The following LRRK2 variants were observed in gnomAD, a reference collection of about 807,000 sequenced individuals.
LRRK2 encodes the protein leucine-rich repeat serine/threonine-protein kinase 2.
Under a neutral mutation model 302.6 loss-of-function variants are expected in LRRK2, and 203 were observed. The ratio of observed to expected loss-of-function variants is 0.67; its 90% CI spans 0.60 to 0.75. The LOEUF is 0.75. Among genes scored for constraint, LRRK2 ranks in the 30% least tolerant of loss-of-function variants. The probability of loss-of-function intolerance (pLI) is 0.00; values close to 1 mark genes in which losing one functional copy is unlikely to be tolerated. For missense variants in LRRK2, 2,830 were observed against 2,951.0 expected (o/e 0.96, Z 0.95); for synonymous variants, 1,066 against 1,031.9 (o/e 1.03, Z -0.63).
At chr12:40,333,067 G>T (rs909666112) in intron 39 of LRRK2, among the ~76,000 whole-genome samples, 2 of 151,752 alleles carry the variant, frequency 1.3e-5, no homozygotes, top group Non-Finnish European at 2.9e-5. Flanking sequence ...GTACTATTAC[G>T]CTGTTTTTTC....
In LRRK2 at chr12:40,368,789, G is replaced by A. The variant is rs942149460; in HGVS notation, c.*1024G>A. On this transcript the variant is annotated 3_prime_UTR_variant, in exon 51 of 51. Coordinates refer to ENST00000298910, the MANE Select transcript of LRRK2 (RefSeq NM_198578.4). Reference sequence around the variant, plus strand: ...GTTGCTGAAGGAGAAAGGAGCTTTAGTTATGATGGATAAAAATATCTGCCA... The same window carrying A: ...GTTGCTGAAGGAGAAAGGAGCTTTAATTATGATGGATAAAAATATCTGCCA... 6.6e-6 allele frequency: 1 copy of A among 151,142 alleles called. No individual in the cohort carries two copies. The highest frequency in any genetic ancestry group is 2.4e-5 in the African/African-American group (1 of 41,162). The allele number at this position is 151,142 out of a possible 1,614,324, so 9.4% of individuals were successfully genotyped here. A position where few individuals can be genotyped will look rare whatever the true frequency, so the allele number is the denominator to read the frequency against.
chr12:40,280,971 G>A (rs1943668338), intron 18 of LRRK2, among the ~76,000 whole-genome samples: 1 of 151,820 alleles, frequency 6.6e-6, no homozygotes, highest in African/African-American at 2.4e-5. Flanking sequence ...GGGAGGCTGA[G>A]GCAGGAGAAT....
intron 49 of LRRK2, chr12:40,365,351 T>G (rs1445843212): frequency 1.8e-5 from 5 of 273,526 alleles, no homozygotes; most frequent in African/African-American, 4.5e-5. Flanking sequence ...TTGAATATAT[T>G]TTACTTTTTG....
chr12:40,239,372 A>G (rs899850891), intron 5 of LRRK2, among the ~76,000 whole-genome samples: 2 of 152,090 alleles, frequency 1.3e-5, no homozygotes, highest in African/African-American at 4.8e-5. Flanking sequence ...GCTTTCGATG[A>G]CAATTAGGAT....
At chr12:40,250,990 C>T (rs1184185687) in intron 8 of LRRK2, among the ~76,000 whole-genome samples, 1 of 148,784 alleles carries the variant, frequency 6.7e-6, no homozygotes, top group Non-Finnish European at 1.5e-5. Flanking sequence ...TAATCCTCCT[C>T]TCGTCTATTA....
Position 40,259,016 on chromosome 12 carries a change from T to C in LRRK2, c.1419-464T>C, listed in dbSNP as rs73276887. Among the ~76,000 whole-genome samples the C allele has an allele frequency of 7.9e-3, 1,196 of 152,254 alleles. 21 individuals are homozygous for C. The highest frequency in any genetic ancestry group is 0.027 in the African/African-American group (1,101 of 41,532). ...AAATTAAAAATAATTAAAAATACCT[T>C]ATAAGAAGTCCAGTGATGTTAATCT... On this transcript the variant is annotated intron_variant, in intron 12 of 50. Transcript: ENST00000298910.
At chr12:40,315,190 G>A (rs1945175346) in intron 32 of LRRK2, 22 bp from the exon 33 acceptor site, 1 of 1,581,076 alleles carries the variant, frequency 6.3e-7, no homozygotes. Context: ...ATGTTTCACT[G>A]TTTGATGACT....
chr12:40,338,297 T>C (rs1389145577), intron 40 of LRRK2, among the ~76,000 whole-genome samples: 2 of 152,306 alleles, frequency 1.3e-5, no homozygotes, highest in African/African-American at 4.8e-5. Context: ...CTTTGTATAC[T>C]AAATGACTGG....
intron 24 of LRRK2, among the ~76,000 whole-genome samples, chr12:40,298,838 AT>A (rs1491226697): frequency 1.4e-3 from 143 of 102,162 alleles, no homozygotes; most frequent in East Asian, 2.3e-3. Flanking sequence ...TATTATATAT[AT>A]TTATTATATA....
intron 43 of LRRK2, 123 bp from the exon 44 acceptor site, chr12:40,351,416 G>A: frequency 1.3e-6 from 1 of 791,162 alleles, no homozygotes; most frequent in Non-Finnish European, 2.1e-6. Flanking sequence ...ATCTAGTTGG[G>A]TTCCAGTTTA....
chr12:40,226,464 A>G (rs776870342), intron 2 of LRRK2, among the ~76,000 whole-genome samples: 1 of 152,200 alleles, frequency 6.6e-6, no homozygotes, highest in African/African-American at 2.4e-5. Context: ...GCAGTCAGAA[A>G]GCCAATGTTT....
chr12:40,296,631 C>CA (rs879609387), intron 23 of LRRK2, among the ~76,000 whole-genome samples: 134 of 133,152 alleles, frequency 1.0e-3, no homozygotes, highest in African/African-American at 1.6e-3. Flanking sequence ...GACCCTGTCT[C>CA]AAAAAAAAAA....
chr12:40,227,222 A>G lies in LRRK2; in HGVS notation c.237+1582A>G, dbSNP rs946375151. On this transcript the variant is annotated intron_variant, in intron 2 of 50. Coordinates refer to ENST00000298910, the MANE Select transcript of LRRK2 (RefSeq NM_198578.4). ...AGTTGTATATATTTTGGGGATACAT[A>G]TGCTATTTGATACATGTATACAATG... Among the ~76,000 whole-genome samples the G allele has an allele frequency of 4.6e-5, 7 of 152,134 alleles. No homozygotes were observed. The East Asian group carries it at 9.6e-4, about 21-fold the overall frequency.
At position 40,285,470 on chromosome 12, in the gene LRRK2, T is replaced by C. The variant is rs182848573; in HGVS notation, c.2500+1337T>C. 1.6e-3 allele frequency among the ~76,000 whole-genome samples: 246 copies of C among 152,134 alleles called. 1 individual carries two copies. Among genetic ancestry groups the C allele is most frequent in the African/African-American group, 5.7e-3 (237 of 41,540 alleles). On this transcript the variant is annotated intron_variant, in intron 19 of 50. Transcript: ENST00000298910. Reference sequence around the variant, plus strand: ...TTGATAAGCATGTGTGGAAACATGCTTCATATATTGATATGAATTTAAATT... The same window carrying C: ...TTGATAAGCATGTGTGGAAACATGCCTCATATATTGATATGAATTTAAATT...
In LRRK2 at chr12:40,351,667, C is replaced by A. The variant is rs34869625; in HGVS notation, c.6510C>A (p.Gly2170=). ...HNSRNASIWL[G]CGHTDRGQLS... Reference sequence around the variant, plus strand: ...GCAGGAATGCAAGCATTTGGCTGGGCTGTGGGCACACCGACAGAGGACAGC... The same window carrying A: ...GCAGGAATGCAAGCATTTGGCTGGGATGTGGGCACACCGACAGAGGACAGC... Residue 2170 remains glycine (G), a synonymous_variant, in exon 44 of 51, where the codon GGC becomes GGA. Transcript: ENST00000298910. 1,800 of 1,614,062 alleles carry A rather than the reference C, an allele frequency of 1.1e-3. 4 individuals carry two copies. The highest frequency in any genetic ancestry group is 1.2e-3 in the Non-Finnish European group (1,401 of 1,180,040).
At chr12:40,326,074 T>G (rs988168442) in intron 38 of LRRK2, among the ~76,000 whole-genome samples, 8 of 152,202 alleles carry the variant, frequency 5.3e-5, no homozygotes, top group Non-Finnish European at 1.2e-4. Context: ...ATAGTAGTCC[T>G]TAACTTTATT....
intron 33 of LRRK2, chr12:40,316,160 C>T: frequency 4.8e-6 from 1 of 208,400 alleles, no homozygotes; most frequent in Non-Finnish European, 8.4e-6. Flanking sequence ...ATGTGGCTGC[C>T]CGAGTTCCTA....
chr12:40,366,364 T>G (rs938523426), intron 49 of LRRK2: 1 of 152,020 alleles, frequency 6.6e-6, no homozygotes, highest in Non-Finnish European at 1.5e-5. Context: ...GTTCCCGCTT[T>G]GGGTTCCCAT....
chr12:40,277,987 T>C lies in LRRK2; in HGVS notation c.2041T>C (p.Ser681Pro), dbSNP rs989859148. ...CTTAGTAATATTCCATCAAATGTCT[T>C]CCAATATCATGGAACAAAAGGATCA... ...FDLVIFHQMSSNIMEQKDQQF... is the reference protein window; with the variant it reads ...FDLVIFHQMSPNIMEQKDQQF... The change falls in exon 17 of 51, where the codon TCC becomes CCC. Residue 681 changes from serine to proline, a missense_variant. By Grantham distance (74) the Ser-to-Pro change is moderately conservative. Transcript: ENST00000298910. 2.5e-6 allele frequency: 4 copies of C among 1,613,630 alleles called. No individual in the cohort carries two copies. Among genetic ancestry groups the C allele is most frequent in the Non-Finnish European group, 2.5e-6 (3 of 1,179,962 alleles).
Sources: gnomAD v4.1 joint callset for allele counts (sites outside exome capture counted in the v4.1 genomes callset) on GRCh38, gnomAD v4.1.1 for gene constraint, MANE v1.5 for transcripts, NCBI Gene and HGNC (gene_info 2026-07-23, HGNC 2026-07-21) for gene names.